Variants in GCNT2 observed in about 807,000 individuals in gnomAD.
The protein encoded by GCNT2 is N-acetyllactosaminide beta-1,6-N-acetylglucosaminyl-transferase.
In GCNT2, 34 loss-of-function variants were observed where a neutral mutation model predicts 34.2. That is an observed-to-expected ratio of 1.00 (90% confidence interval 0.76 to 1.32). The LOEUF is 1.32. GCNT2 is among the 40% of genes most tolerant of loss of function. GCNT2 has a pLI of 0.00. For synonymous variants in GCNT2, 212 were observed against 188.0 expected, an observed-to-expected ratio of 1.13 and a Z score of -1.04; for missense variants, 584 against 489.4, an observed-to-expected ratio of 1.19 and a Z score of -1.82.
chr6:10,522,255 G>A (rs1317443420), intron 1 of GCNT2, among the ~76,000 whole-genome samples: 5 of 152,128 alleles, frequency 3.3e-5, no homozygotes, highest in African/African-American at 1.2e-4. Flanking sequence ...AACCTCATTT[G>A]ATAATAGGTA....
chr6:10,542,170 G>A (rs994735507), intron 3 of GCNT2, among the ~76,000 whole-genome samples: 8 of 152,114 alleles, frequency 5.3e-5, no homozygotes, highest in East Asian at 1.9e-4. Context: ...GGTTTCTACC[G>A]TCCAAGTCAC....
chr6:10,537,698 C>CAAAAAAAAAAAAAAAAAAAAAAAA (rs201257236), intron 3 of GCNT2, among the ~76,000 whole-genome samples: 2 of 83,226 alleles, frequency 2.4e-5, no homozygotes, highest in Non-Finnish European at 2.2e-5. Flanking sequence ...GATTCTGCCG[C>CAAAAAAAAAAAAAAAAAAAAAAAA]AAAAAAAAAA....
intron 4 of GCNT2, among the ~76,000 whole-genome samples, chr6:10,624,998 C>G (rs1023573397): frequency 6.6e-6 from 1 of 152,162 alleles, no homozygotes; most frequent in Non-Finnish European, 1.5e-5. Context: ...TTTCTTTAAG[C>G]GTGTGCTTAA....
intron 3 of GCNT2, among the ~76,000 whole-genome samples, chr6:10,580,434 C>G (rs775674506): frequency 6.6e-6 from 1 of 152,164 alleles, no homozygotes; most frequent in Non-Finnish European, 1.5e-5. Flanking sequence ...GTGCCTGAAT[C>G]CGTCCTACAA....
chr6:10,555,312 A>T (rs2113654242), intron 3 of GCNT2, among the ~76,000 whole-genome samples: 1 of 152,120 alleles, frequency 6.6e-6, no homozygotes, highest in Middle Eastern at 3.4e-3. Flanking sequence ...GAAGATGAGA[A>T]CTTTCCAAGT....
At chr6:10,569,946 T>G (rs1178645297) in intron 3 of GCNT2, among the ~76,000 whole-genome samples, 1 of 86,710 alleles carries the variant, frequency 1.2e-5, no homozygotes, top group Non-Finnish European at 2.8e-5. Context: ...CCTTCCTTCC[T>G]TCTTCCTTCC....
intron 3 of GCNT2, among the ~76,000 whole-genome samples, chr6:10,567,608 C>T (rs946249316): frequency 1.3e-5 from 2 of 152,210 alleles, no homozygotes; most frequent in African/African-American, 4.8e-5. Context: ...TGTATAGCTA[C>T]TGTACATATT....
Position 10,626,567 on chromosome 6 carries a change from A to G in GCNT2, c.1169A>G (p.Asn390Ser), listed in dbSNP as rs1766266886. The part of the protein sequence containing the change: ...LELRHRERTL[N>S]QSETAIQPSW... ...CTGAGGCATCGCGAAAGAACCCTCA[A>G]TCAGAGTGAAACTGCGATACAACCC... The change falls in exon 5 of 5, where the codon AAT becomes AGT. Residue 390 changes from asparagine (N) to serine (S), a missense_variant. Coordinates refer to ENST00000495262, the MANE Select transcript of GCNT2 (RefSeq NM_145649.5). 1.2e-6 allele frequency: 2 copies of G among 1,613,624 alleles called. No individual in the cohort carries two copies. Among genetic ancestry groups the G allele is most frequent in the South Asian group, 1.1e-5 (1 of 91,082 alleles).
At position 10,582,288 on chromosome 6, in the gene GCNT2, A is replaced by AT. The variant is rs574616088; in HGVS notation, c.926-39063_926-39062insT. Among the ~76,000 whole-genome samples the AT allele has an allele frequency of 2.1e-3, 230 of 110,778 alleles. 1 individual carries two copies. The highest frequency in any genetic ancestry group is 2.8e-3 in the African/African-American group (68 of 24,264). 72.7% of individuals were successfully genotyped at this position (110,778 alleles called of 152,430 possible). A position where few individuals can be genotyped will look rare whatever the true frequency, so the allele number is the denominator to read the frequency against. Reference sequence around the variant, plus strand: ...ATATATTAAATATATAAATATATATAATATTACTATATATTTAATATATAG... The same window carrying AT: ...ATATATTAAATATATAAATATATATATATATTACTATATATTTAATATATAG... On this transcript the variant is annotated intron_variant, in intron 3 of 4. Transcript: ENST00000495262.
intron 3 of GCNT2, among the ~76,000 whole-genome samples, chr6:10,605,694 G>T (rs1464138635): frequency 6.6e-6 from 1 of 151,990 alleles, no homozygotes; most frequent in East Asian, 1.9e-4. Context: ...AAAAACCGAA[G>T]AATGGAATTT....
In GCNT2 at chr6:10,561,818, CT is replaced by C. The variant is rs55714529; in HGVS notation, c.925+31993del. On this transcript the variant is annotated intron_variant, in intron 3 of 4. Transcript: ENST00000495262. ...CTTTTTCCATTTTGTATACGTTTTC[CT>C]TTTTTTTTTTCAGGGCCCTTTTGTC... Among the ~76,000 whole-genome samples, 380 of 145,076 alleles carry C rather than the reference CT, an allele frequency of 2.6e-3. 2 individuals carry two copies. Among genetic ancestry groups the C allele is most frequent in the South Asian group, 0.013 (61 of 4,560 alleles).
Position 10,529,744 on chromosome 6 carries a change from T to C in GCNT2, c.833T>C (p.Leu278Pro), listed in dbSNP as rs913588782. The change falls in exon 3 of 5, where the codon CTC becomes CCC. Residue 278 changes from leucine to proline, a missense_variant. Leu to Pro is a moderately conservative substitution (Grantham distance 98). Coordinates refer to ENST00000495262, the MANE Select transcript of GCNT2 (RefSeq NM_145649.5). ...ACAAGGGACTTTGCTAACTTCGTCC[T>C]CCAAGACCAGCTCGCACTTGACTTA... Reference protein sequence around the residue: ...ALTRDFANFVLQDQLALDLLS... With the variant: ...ALTRDFANFVPQDQLALDLLS... 2 of 1,614,024 alleles carry C rather than the reference T, an allele frequency of 1.2e-6. No homozygotes were observed. The highest frequency in any genetic ancestry group is 2.7e-5 in the African/African-American group (2 of 74,928).
intron 3 of GCNT2, among the ~76,000 whole-genome samples, chr6:10,551,447 AT>A (rs1308372064): frequency 3.7e-5 from 5 of 136,284 alleles, no homozygotes; most frequent in African/African-American, 5.8e-5. Flanking sequence ...ATTATTATTA[AT>A]TTATTTTTTT....
intron 3 of GCNT2, among the ~76,000 whole-genome samples, chr6:10,604,439 C>CTTTGAACTT (rs1765221906): frequency 1.3e-5 from 2 of 152,126 alleles, no homozygotes; most frequent in Non-Finnish European, 2.9e-5. Context: ...TTGGCTACTT[C>CTTTGAACTT]TTTGAACTTT....
intron 3 of GCNT2, chr6:10,586,405 CTG>C (rs1764349067): frequency 6.2e-7 from 1 of 1,614,198 alleles, no homozygotes; most frequent in Non-Finnish European, 8.5e-7. Context: ...TATAAGGAAT[CTG>C]TGAGGCAGTT....
chr6:10,536,305 C>CT (rs1313756133), intron 3 of GCNT2, among the ~76,000 whole-genome samples: 3 of 151,952 alleles, frequency 2.0e-5, no homozygotes, highest in Admixed American at 1.3e-4. Context: ...ATTAGCTCCG[C>CT]TTAAGCAATC....
At chr6:10,602,079 A>G (rs940068280) in intron 3 of GCNT2, among the ~76,000 whole-genome samples, 18 of 152,358 alleles carry the variant, frequency 1.2e-4, no homozygotes, top group Non-Finnish European at 2.6e-4. Context: ...GAAGAGGCCA[A>G]CATTTCTTTG....
At chr6:10,565,401 A>G (rs560930777) in intron 3 of GCNT2, among the ~76,000 whole-genome samples, 11 of 143,354 alleles carry the variant, frequency 7.7e-5, no homozygotes, top group African/African-American at 2.0e-4. Flanking sequence ...GCAGAGGGAA[A>G]GCAGATAAGC....
At chr6:10,547,706 T>C (rs1204503469) in intron 3 of GCNT2, among the ~76,000 whole-genome samples, 2 of 152,246 alleles carry the variant, frequency 1.3e-5, no homozygotes, top group African/African-American at 4.8e-5. Context: ...GGATCTTGCC[T>C]GACTCAGTTT....
Sources: allele counts gnomAD v4.1 joint callset (sites outside exome capture counted in the v4.1 genomes callset), GRCh38; gene constraint gnomAD v4.1.1; transcripts MANE v1.5; gene names NCBI Gene and HGNC (gene_info 2026-07-23, HGNC 2026-07-21).